The following ADGRF5 variants were observed in gnomAD, a reference collection of about 807,000 sequenced individuals.
The protein encoded by ADGRF5 is adhesion G protein-coupled receptor F5, also known as G-protein coupled receptor 116.
A neutral mutation model predicts 132.3 loss-of-function variants in ADGRF5; 75 were observed. The observed-to-expected ratio is 0.57, with a 90% CI of 0.47 to 0.69. ADGRF5 has a LOEUF of 0.69. Among genes scored for constraint, ADGRF5 ranks in the 30% least tolerant of loss-of-function variants. The pLI, the probability that ADGRF5 is intolerant of heterozygous loss-of-function variation, is 0.00. For synonymous variants in ADGRF5, 629 were observed against 597.6 expected (o/e 1.05, Z -0.77); for missense variants, 1,516 against 1,630.6 (o/e 0.93, Z 1.21).
chr6:46,880,087 C>T (rs1041110102), intron 8 of ADGRF5, 48 bp from the exon 9 acceptor site: 2 of 1,295,904 alleles, frequency 1.5e-6, no homozygotes, highest in Non-Finnish European at 2.2e-6. Flanking sequence ...AAATAAATGT[C>T]ACTGATGCTA....
At position 46,882,121 on chromosome 6, in the gene ADGRF5, C is replaced by T; in HGVS notation, c.613-14G>A. 6.3e-7 allele frequency: 1 copy of T among 1,591,224 alleles called. No individual in the cohort carries two copies. The highest frequency in any genetic ancestry group is 8.6e-7 in the Non-Finnish European group (1 of 1,159,412). ...ACCCTTCCGGAACTGAAAAATAAAGCAAGATGAATGTCATATATCAAAGTC... is the reference window on the plus strand; with the variant it reads ...ACCCTTCCGGAACTGAAAAATAAAGTAAGATGAATGTCATATATCAAAGTC... On this transcript the variant is annotated splice_polypyrimidine_tract_variant and intron_variant, in intron 6 of 20. Coordinates refer to ENST00000283296, the MANE Select transcript of ADGRF5 (RefSeq NM_001098518.2).
At chr6:46,899,364 T>A (rs575939804) in intron 3 of ADGRF5, among the ~76,000 whole-genome samples, 1 of 152,064 alleles carries the variant, frequency 6.6e-6, no homozygotes, top group Non-Finnish European at 1.5e-5. Context: ...AGGATCCGAT[T>A]TGTGCTTTTG....
chr6:46,887,838 A>G (rs960452208), intron 4 of ADGRF5: 13 of 152,480 alleles, frequency 8.5e-5, no homozygotes, highest in African/African-American at 2.7e-4. Context: ...AGTCCAATCT[A>G]TGGCCTAAGA....
intron 1 of ADGRF5, among the ~76,000 whole-genome samples, chr6:46,932,469 A>G (rs1223660063): frequency 6.6e-6 from 1 of 152,188 alleles, no homozygotes; most frequent in Non-Finnish European, 1.5e-5. Flanking sequence ...AAGTCACAGC[A>G]TGGTTGTGGT....
chr6:46,907,585 A>C (rs1464699545), intron 1 of ADGRF5, among the ~76,000 whole-genome samples: 1 of 152,078 alleles, frequency 6.6e-6, no homozygotes, highest in Non-Finnish European at 1.5e-5. Flanking sequence ...ATCATTTTTG[A>C]CATTTTTTCA....
intron 1 of ADGRF5, among the ~76,000 whole-genome samples, chr6:46,910,361 G>A (rs1175015248): frequency 6.6e-6 from 1 of 152,120 alleles, no homozygotes; most frequent in African/African-American, 2.4e-5. Flanking sequence ...GGTAATAATT[G>A]CCAGTGGTTA....
Position 46,863,781 on chromosome 6 carries a change from C to T in ADGRF5, c.1991-685G>A, listed in dbSNP as rs554574607. Reference sequence around the variant, plus strand: ...ATATAAATCTTAAATAAGTAATGTTCTACTAGGAAAAAGAAGCGAAACCAT... The same window carrying T: ...ATATAAATCTTAAATAAGTAATGTTTTACTAGGAAAAAGAAGCGAAACCAT... On this transcript the variant is annotated intron_variant, in intron 14 of 20. Coordinates refer to ENST00000283296, the MANE Select transcript of ADGRF5 (RefSeq NM_001098518.2). Among the ~76,000 whole-genome samples, 41 of 152,164 alleles carry T rather than the reference C, an allele frequency of 2.7e-4. 1 individual carries two copies. Among genetic ancestry groups the T allele is most frequent in the South Asian group, 1.0e-3 (5 of 4,818 alleles).
chr6:46,880,187 A>G (rs1261289365), intron 8 of ADGRF5, 148 bp from the exon 9 acceptor site: 7 of 636,084 alleles, frequency 1.1e-5, no homozygotes, highest in Non-Finnish European at 2.0e-5. Flanking sequence ...TCCTCACTCC[A>G]TTCCCATGCA....
intron 1 of ADGRF5, among the ~76,000 whole-genome samples, chr6:46,917,060 G>C (rs1321775204): frequency 1.3e-5 from 2 of 152,226 alleles, no homozygotes; most frequent in Non-Finnish European, 2.9e-5. Flanking sequence ...AGCACTTGCT[G>C]TGTGTCAGAC....
intron 1 of ADGRF5, among the ~76,000 whole-genome samples, chr6:46,942,992 A>G (rs781281665): frequency 5.3e-5 from 8 of 152,210 alleles, no homozygotes; most frequent in Non-Finnish European, 1.2e-4. Flanking sequence ...TTCCTCAATT[A>G]TAAGTCTTGT....
intron 10 of ADGRF5, 79 bp downstream of exon 10, chr6:46,878,123 T>G (rs1327353141): frequency 4.5e-6 from 4 of 896,440 alleles, no homozygotes; most frequent in Non-Finnish European, 5.6e-6. Flanking sequence ...CATTTCCCCT[T>G]CCATACGCCA....
intron 3 of ADGRF5, among the ~76,000 whole-genome samples, chr6:46,891,517 G>T (rs1773635382): frequency 6.6e-6 from 1 of 152,140 alleles, no homozygotes; most frequent in African/African-American, 2.4e-5. Context: ...ATATAAACAG[G>T]ATTTCCTGGA....
chr6:46,896,456 C>T (rs1774188258), intron 3 of ADGRF5, among the ~76,000 whole-genome samples: 1 of 152,092 alleles, frequency 6.6e-6, no homozygotes, highest in Admixed American at 6.6e-5. Flanking sequence ...GTACAGAATA[C>T]CTTCTCTGGA....
At chr6:46,933,659 A>G in intron 1 of ADGRF5, among the ~76,000 whole-genome samples, 1 of 152,202 alleles carries the variant, frequency 6.6e-6, no homozygotes, top group East Asian at 1.9e-4. Context: ...CTGCTACTGC[A>G]ATTCAAAATG....
intron 3 of ADGRF5, among the ~76,000 whole-genome samples, chr6:46,895,295 C>A (rs1470231129): frequency 6.6e-6 from 1 of 152,010 alleles, no homozygotes; most frequent in East Asian, 1.9e-4. Flanking sequence ...ACACTCCCAA[C>A]ATTAAATGTC....
At chr6:46,872,877 T>TAAA (rs903172970) in intron 10 of ADGRF5, among the ~76,000 whole-genome samples, 3 of 152,244 alleles carry the variant, frequency 2.0e-5, no homozygotes, top group African/African-American at 7.2e-5. Flanking sequence ...AGTTCCAACG[T>TAAA]AAATGTGTCT....
rs1398476813 is a variant in ADGRF5 at position 46,884,105 on chromosome 6, C to A, written c.495G>T (p.Leu165=). Residue 165 remains leucine, a synonymous_variant, in exon 5 of 21, where the codon CTG becomes CTT. Coordinates refer to ENST00000283296, the MANE Select transcript of ADGRF5 (RefSeq NM_001098518.2). Reference sequence around the variant, plus strand: ...TGAGCAGTTACTTACCTTCCTGAAGCAGGCAAAAAGGTCCATTGGGAGGCA... The same window carrying A: ...TGAGCAGTTACTTACCTTCCTGAAGAAGGCAAAAAGGTCCATTGGGAGGCA... ...KELPPNGPFC[L]LQEDVTLNMR... 1 of 1,613,498 alleles carries A rather than the reference C, an allele frequency of 6.2e-7. No homozygotes were observed. Among genetic ancestry groups the A allele is most frequent in the Non-Finnish European group, 8.5e-7 (1 of 1,179,558 alleles).
intron 1 of ADGRF5, among the ~76,000 whole-genome samples, chr6:46,936,927 G>C (rs1231627384): frequency 6.6e-6 from 1 of 152,146 alleles, no homozygotes; most frequent in Non-Finnish European, 1.5e-5. Context: ...GATCCTGGGG[G>C]ATCCCCCTCT....
At chr6:46,950,925 A>G (rs1292198537) in intron 1 of ADGRF5, among the ~76,000 whole-genome samples, 4 of 152,226 alleles carry the variant, frequency 2.6e-5, no homozygotes, top group Non-Finnish European at 5.9e-5. Context: ...TTGGCAAGAT[A>G]CAATCACTTG....
Sources: gnomAD v4.1 joint callset for allele counts (sites outside exome capture counted in the v4.1 genomes callset) on GRCh38, gnomAD v4.1.1 for gene constraint, MANE v1.5 for transcripts, NCBI Gene and HGNC (gene_info 2026-07-23, HGNC 2026-07-21) for gene names.